The following PHACTR1 variants were observed in gnomAD, a reference collection of about 807,000 sequenced individuals.
PHACTR1 encodes the protein RPEL repeat containing 1.
Under a neutral mutation model 69.2 loss-of-function variants are expected in PHACTR1, and 16 were observed. The observed-to-expected ratio is 0.23, with a 90% CI of 0.16 to 0.35. The LOEUF is 0.35. PHACTR1 is among the 10% of genes least tolerant of loss of function. The pLI is 1.00. For missense variants in PHACTR1, 510 were observed against 734.7 expected, an observed-to-expected ratio of 0.69 and a Z score of 3.54; for synonymous variants, 312 against 284.5, an observed-to-expected ratio of 1.10 and a Z score of -0.97.
intron 4 of PHACTR1, among the ~76,000 whole-genome samples, chr6:12,773,332 G>A (rs768166880): frequency 6.6e-6 from 1 of 152,176 alleles, no homozygotes. Flanking sequence ...ACCAAGGGAT[G>A]TTCACACCCT....
chr6:13,163,594 GT>G (rs1180769396), intron 6 of PHACTR1, among the ~76,000 whole-genome samples: 1 of 152,150 alleles, frequency 6.6e-6, no homozygotes, highest in Non-Finnish European at 1.5e-5. Flanking sequence ...ATAGGTTTGT[GT>G]TTTCTATGGG....
chr6:12,866,982 C>T (rs548256134), intron 4 of PHACTR1, among the ~76,000 whole-genome samples: 5 of 152,100 alleles, frequency 3.3e-5, no homozygotes, highest in Admixed American at 6.5e-5. Flanking sequence ...CCCAGTTGCC[C>T]ATTGTGTTTG....
In PHACTR1 at chr6:13,245,504, GTTGT is replaced by G. The variant is rs1461522035; in HGVS notation, c.1391+15318_1391+15321del. On this transcript the variant is annotated intron_variant, in intron 10 of 14. Transcript: ENST00000332995. The surrounding 1 kb of genome is among the most constrained non-coding windows in gnomAD (Gnocchi z 4.1). Reference sequence around the variant, plus strand: ...GTCTGTTCATGTCCTTTTTAATGGGGTTGTTTGTTTTTTGCTTGTAAATTTAAGT... The same window carrying G: ...GTCTGTTCATGTCCTTTTTAATGGGGTTGTTTTTTGCTTGTAAATTTAAGT... 2.0e-5 allele frequency among the ~76,000 whole-genome samples: 3 copies of G among 152,058 alleles called. No homozygotes were observed. Among genetic ancestry groups the G allele is most frequent in the African/African-American group, 4.8e-5 (2 of 41,410 alleles).
chr6:12,807,248 T>C (rs572158334), intron 4 of PHACTR1, among the ~76,000 whole-genome samples: 2 of 152,346 alleles, frequency 1.3e-5, no homozygotes, highest in Admixed American at 1.3e-4. Context: ...TAAATGGATG[T>C]GGGAATGAAT....
intron 6 of PHACTR1, among the ~76,000 whole-genome samples, chr6:13,167,424 A>G (rs1759966083): frequency 6.6e-6 from 1 of 152,158 alleles, no homozygotes; most frequent in Non-Finnish European, 1.5e-5. Context: ...GGGGAGGGAA[A>G]AGAAGACCAC....
intron 5 of PHACTR1, among the ~76,000 whole-genome samples, chr6:13,142,818 C>T (rs1191210200): frequency 6.7e-6 from 1 of 148,852 alleles, no homozygotes; most frequent in Non-Finnish European, 1.5e-5. Context: ...GTAGTAAATA[C>T]TAAAATTGAG....
chr6:13,022,666 T>TAA lies in PHACTR1; in HGVS notation c.251-30685_251-30684dup, dbSNP rs201078402. ...GCTTAAGATATTTATTCTCTGGCCTTAAAAAAAAAAAAAAACTTTGCCAAC... is the reference window on the plus strand; with the variant it reads ...GCTTAAGATATTTATTCTCTGGCCTTAAAAAAAAAAAAAAAAACTTTGCCAAC... On this transcript the variant is annotated intron_variant, in intron 4 of 14. Coordinates refer to ENST00000332995, the MANE Select transcript of PHACTR1 (RefSeq NM_030948.6). Among the ~76,000 whole-genome samples, 1,143 of 141,904 alleles carry TAA rather than the reference T, an allele frequency of 8.1e-3. 14 individuals are homozygous for TAA. The highest frequency in any genetic ancestry group is 0.027 in the African/African-American group (1,070 of 39,294). 93.1% of individuals were successfully genotyped at this position (141,904 alleles called of 152,430 possible). A position where few individuals can be genotyped will look rare whatever the true frequency, so the allele number is the denominator to read the frequency against.
intron 5 of PHACTR1, among the ~76,000 whole-genome samples, chr6:13,073,364 G>A (rs1465360487): frequency 3.4e-4 from 8 of 23,454 alleles, no homozygotes; most frequent in Admixed American, 8.8e-4. Flanking sequence ...TTTTTTTTGA[G>A]ACAGAGTCTC....
rs183958021 is a variant in PHACTR1, at chr6:12,736,981, G to T, written c.104-12663G>T. 1.8e-3 allele frequency among the ~76,000 whole-genome samples: 268 copies of T among 151,666 alleles called. 1 individual carries two copies. Among genetic ancestry groups the T allele is most frequent in the African/African-American group, 6.3e-3 (260 of 41,340 alleles). On this transcript the variant is annotated intron_variant, in intron 3 of 14. Transcript: ENST00000332995. ...ACACATATACACTCATTTTTACACCGTGTGTGTATATATGTATATGTATAT... is the reference window on the plus strand; with the variant it reads ...ACACATATACACTCATTTTTACACCTTGTGTGTATATATGTATATGTATAT...
intron 4 of PHACTR1, among the ~76,000 whole-genome samples, chr6:12,967,696 G>A (rs1390593368): frequency 6.6e-6 from 1 of 152,130 alleles, no homozygotes; most frequent in Non-Finnish European, 1.5e-5. Flanking sequence ...CCTAGAAATG[G>A]AACTGGGAAA....
intron 4 of PHACTR1, among the ~76,000 whole-genome samples, chr6:12,766,432 A>G (rs929641772): frequency 6.6e-6 from 1 of 152,190 alleles, no homozygotes; most frequent in Admixed American, 6.5e-5. Context: ...ACAAAGTGAA[A>G]AGGAAAAACC....
chr6:13,234,932 C>T (rs531097870), intron 10 of PHACTR1, among the ~76,000 whole-genome samples: 2 of 152,114 alleles, frequency 1.3e-5, no homozygotes, highest in Non-Finnish European at 2.9e-5. Flanking sequence ...GGGTGCCAGG[C>T]AAAAATTGTA....
At chr6:12,883,644 T>C (rs1313673522) in intron 4 of PHACTR1, among the ~76,000 whole-genome samples, 2 of 152,056 alleles carry the variant, frequency 1.3e-5, no homozygotes, top group African/African-American at 4.8e-5. Flanking sequence ...TCCTGAGTCC[T>C]GTGCTGTCTG....
At chr6:13,230,601 C>T (rs1424563376) in intron 10 of PHACTR1, among the ~76,000 whole-genome samples, 1 of 150,846 alleles carries the variant, frequency 6.6e-6, no homozygotes, top group Non-Finnish European at 1.5e-5. Flanking sequence ...ATTTTGTCTC[C>T]AAGGTTGTTT....
chr6:12,981,850 C>T (rs968489092), intron 4 of PHACTR1, among the ~76,000 whole-genome samples: 4 of 152,144 alleles, frequency 2.6e-5, no homozygotes, highest in Non-Finnish European at 5.9e-5. Context: ...TCAATATTTT[C>T]TGCTTTATTC....
intron 4 of PHACTR1, among the ~76,000 whole-genome samples, chr6:12,965,844 CTG>C (rs1259144964): frequency 1.3e-5 from 2 of 152,288 alleles, no homozygotes; most frequent in Admixed American, 1.3e-4. Flanking sequence ...TAGTGAGACT[CTG>C]TTAGTTATTT....
intron 4 of PHACTR1, among the ~76,000 whole-genome samples, chr6:12,985,537 A>ATATATAT (rs1388013917): frequency 1.5e-5 from 2 of 137,052 alleles, no homozygotes; most frequent in African/African-American, 5.7e-5. Flanking sequence ...TTAAAAAAAA[A>ATATATAT]AAAAATATAT....
intron 5 of PHACTR1, among the ~76,000 whole-genome samples, chr6:13,112,169 G>C (rs1817151056): frequency 6.6e-6 from 1 of 152,050 alleles, no homozygotes; most frequent in Non-Finnish European, 1.5e-5. Flanking sequence ...AAGGATAATG[G>C]CCTCCACTTT....
At chr6:13,108,000 A>G (rs1816445982) in intron 5 of PHACTR1, among the ~76,000 whole-genome samples, 1 of 151,924 alleles carries the variant, frequency 6.6e-6, no homozygotes, top group Non-Finnish European at 1.5e-5. Context: ...TTTCTTTATT[A>G]TAAAAGGATT....
Sources: gnomAD v4.1 joint callset for allele counts (sites outside exome capture counted in the v4.1 genomes callset) on GRCh38, gnomAD v4.1.1 for gene constraint, Gnocchi (gnomAD v3.1) non-coding constraint, MANE v1.5 for transcripts, NCBI Gene and HGNC (gene_info 2026-07-23, HGNC 2026-07-21) for gene names.